The following VSIR variants were observed in gnomAD, a reference collection of about 807,000 sequenced individuals.
VSIR encodes V-type immunoglobulin domain-containing suppressor of T-cell activation.
In VSIR, 10 loss-of-function variants were observed where a neutral mutation model predicts 31.0. The observed-to-expected ratio is 0.32, with a 90% CI of 0.20 to 0.55. The LOEUF (loss-of-function observed/expected upper bound fraction) is 0.55, where lower values mean the gene tolerates loss of function less well. Ranked by LOEUF, VSIR falls within the 20% of genes least tolerant of loss-of-function variation. The pLI is 0.93. For synonymous variants in VSIR, 179 were observed against 180.1 expected, an observed-to-expected ratio of 0.99 and a Z score of 0.05; for missense variants, 356 against 416.2, an observed-to-expected ratio of 0.86 and a Z score of 1.26.
chr10:71,752,944 G>T (rs1398290934), intron 5 of VSIR, 31 bp downstream of exon 5: 1 of 1,610,894 alleles, frequency 6.2e-7, no homozygotes, highest in Non-Finnish European at 8.5e-7. Context: ...GGCCCAGGAA[G>T]TTTTCTCAAG....
At chr10:71,760,028 C>CACACACATACATACATATATAT (rs1564779676) in intron 3 of VSIR, among the ~76,000 whole-genome samples, 12 of 47,212 alleles carry the variant, frequency 2.5e-4, no homozygotes, top group Non-Finnish European at 3.6e-4. Context: ...CACATATATA[C>CACACACATACATACATATATAT]ACACACACAC....
Position 71,751,654 on chromosome 10 carries a change from C to A in VSIR, c.898+14G>T. 1 of 1,519,900 alleles carries A rather than the reference C, an allele frequency of 6.6e-7. No homozygotes were observed. Among genetic ancestry groups the A allele is most frequent in the Non-Finnish European group, 8.8e-7 (1 of 1,134,732 alleles). 94.2% of individuals were successfully genotyped at this position (1,519,900 alleles called of 1,614,324 possible). A position where few individuals can be genotyped will look rare whatever the true frequency, so the allele number is the denominator to read the frequency against. ...TTACAGGTCATCGTGCTGTGAAGGT[C>A]AGGAAACACTTACCCAGGGATGGGA... On this transcript the variant is annotated intron_variant, in intron 6 of 6. Coordinates refer to ENST00000394957, the MANE Select transcript of VSIR (RefSeq NM_022153.2). This position sits in a 1 kb window ranked among gnomAD's most constrained non-coding sequence, Gnocchi z 4.9.
Position 71,748,876 on chromosome 10 carries a change from G to A in VSIR, c.*2377C>T, listed in dbSNP as rs1839921012. 1 of 152,832 alleles carries A rather than the reference G, an allele frequency of 6.5e-6. No individual in the cohort carries two copies. The highest frequency in any genetic ancestry group is 1.5e-5 in the Non-Finnish European group (1 of 68,158). The allele number at this position is 152,832 out of a possible 1,614,324, so 9.5% of individuals were successfully genotyped here. ...CCCTAGTGCGTTGTAGGCAGGGCCT[G>A]TGGCCATGGATGAAGATGGAACTGG... On this transcript the variant is annotated 3_prime_UTR_variant, in exon 7 of 7. Coordinates refer to ENST00000394957, the MANE Select transcript of VSIR (RefSeq NM_022153.2).
Position 71,751,631 on chromosome 10 carries a change from A to G in VSIR, c.898+37T>C, listed in dbSNP as rs1335902476. 1.3e-6 allele frequency: 2 copies of G among 1,501,654 alleles called. No individual in the cohort carries two copies. The highest frequency in any genetic ancestry group is 2.3e-5 in the Admixed American group (1 of 44,356). 93.0% of individuals were successfully genotyped at this position (1,501,654 alleles called of 1,614,324 possible). ...CTGCAGGCCATGAGGTCATGACCTT[A>G]CAGGTCATCGTGCTGTGAAGGTCAG... On this transcript the variant is annotated intron_variant, in intron 6 of 6. Transcript: ENST00000394957. The surrounding 1 kb of genome is among the most constrained non-coding windows in gnomAD (Gnocchi z 4.9).
rs776230069 is a variant in VSIR at position 71,759,846 on chromosome 10, C to CACACACACATAT, written c.568+1021_568+1022insATATGTGTGTGT. Among the ~76,000 whole-genome samples, 56 of 59,962 alleles carry CACACACACATAT rather than the reference C, an allele frequency of 9.3e-4. 4 individuals are homozygous for CACACACACATAT. Among genetic ancestry groups the CACACACACATAT allele is most frequent in the Non-Finnish European group, 1.4e-3 (40 of 29,046 alleles). 39.3% of individuals were successfully genotyped at this position (59,962 alleles called of 152,430 possible). A position where few individuals can be genotyped will look rare whatever the true frequency, so the allele number is the denominator to read the frequency against. ...ACACACACACACACACACACACACA[C>CACACACACATAT]ATATACACACACACACACATATATA... is the stretch of plus-strand genomic sequence containing the variant. On this transcript the variant is annotated intron_variant, in intron 3 of 6. Transcript: ENST00000394957.
chr10:71,756,968 A>C (rs749388130), intron 3 of VSIR, among the ~76,000 whole-genome samples: 14 of 152,384 alleles, frequency 9.2e-5, no homozygotes, highest in Non-Finnish European at 1.8e-4. Flanking sequence ...CCACTGGTAC[A>C]GGAACAGTTG....
At chr10:71,771,159 C>T (rs748007500) in intron 1 of VSIR, among the ~76,000 whole-genome samples, 4 of 152,150 alleles carry the variant, frequency 2.6e-5, no homozygotes, top group African/African-American at 9.7e-5. Context: ...GTAACTGCCT[C>T]GGGTCCTGGG....
Position 71,773,360 on chromosome 10 carries a change from A to C in VSIR, c.80T>G (p.Leu27Arg). 1 of 1,607,098 alleles carries C rather than the reference A, an allele frequency of 6.2e-7. No individual in the cohort carries two copies. The highest frequency in any genetic ancestry group is 8.5e-7 in the Non-Finnish European group (1 of 1,177,104). ...CGCCCCGCCTCCCCCGACCTTACCT[A>C]GGGACGCAGCCAGGAAGAGAGCGAA... ...LLFALFLAAS[L>R]GPVAAFKVAT... Residue 27 changes from leucine (L) to arginine (R), a missense_variant and splice_region_variant, in exon 1 of 7, where the codon CTA (leucine) becomes CGA (arginine). Coordinates refer to ENST00000394957, the MANE Select transcript of VSIR (RefSeq NM_022153.2).
chr10:71,755,009 C>T (rs1840096790), intron 4 of VSIR: 3 of 474,378 alleles, frequency 6.3e-6, no homozygotes, highest in African/African-American at 2.0e-5. Context: ...AACAAGCACG[C>T]CCATACCTTA....
chr10:71,760,117 G>GTGTGTATATATATGTATATACATATATA (rs1840305952), intron 3 of VSIR, among the ~76,000 whole-genome samples: 1 of 53,010 alleles, frequency 1.9e-5, no homozygotes, highest in Non-Finnish European at 4.9e-5. Flanking sequence ...ATACATATAT[G>GTGTGTATATATATGTATATACATATATA]TGTGTATATA....
In VSIR at chr10:71,760,181, GTA is replaced by G. The variant is rs74189375; in HGVS notation, c.568+685_568+686del. On this transcript the variant is annotated intron_variant, in intron 3 of 6. Coordinates refer to ENST00000394957, the MANE Select transcript of VSIR (RefSeq NM_022153.2). ...TATATGTATATACATATATATGTGTGTATATATATGTATATACATATATATGT... is the reference window on the plus strand; with the variant it reads ...TATATGTATATACATATATATGTGTGTATATATGTATATACATATATATGT... 1.1e-4 allele frequency among the ~76,000 whole-genome samples: 4 copies of G among 37,250 alleles called. 1 individual carries two copies. The highest frequency in any genetic ancestry group is 4.3e-4 in the African/African-American group (3 of 6,994). The allele number at this position is 37,250 out of a possible 152,430, so 24.4% of individuals were successfully genotyped here. A position where few individuals can be genotyped will look rare whatever the true frequency, so the allele number is the denominator to read the frequency against.
intron 1 of VSIR, among the ~76,000 whole-genome samples, chr10:71,764,138 G>A (rs1840469849): frequency 6.6e-6 from 1 of 152,234 alleles, no homozygotes; most frequent in Non-Finnish European, 1.5e-5. Context: ...CAAAGTTCCA[G>A]AGGGTATGAT....
At position 71,748,233 on chromosome 10, in the gene VSIR, GA is replaced by G; in HGVS notation, c.*3019del. ...GTCCACCCCGCGAGGAGCACCCCCT[GA>G]AAAAGGCCATGTATCAGCCCCTCTG... On this transcript the variant is annotated 3_prime_UTR_variant, in exon 7 of 7. Transcript: ENST00000394957. The G allele has an allele frequency of 6.6e-6, 1 of 152,540 alleles. No homozygotes were observed. Among genetic ancestry groups the G allele is most frequent in the East Asian group, 1.9e-4 (1 of 5,192 alleles). The allele number at this position is 152,540 out of a possible 1,614,324, so 9.4% of individuals were successfully genotyped here.
At chr10:71,756,451 T>C (rs569023389) in intron 3 of VSIR, among the ~76,000 whole-genome samples, 2 of 152,338 alleles carry the variant, frequency 1.3e-5, no homozygotes, top group African/African-American at 4.8e-5. Flanking sequence ...TAACTAATAA[T>C]GTAGCAATGA....
intron 4 of VSIR, among the ~76,000 whole-genome samples, chr10:71,754,559 G>A (rs1356041846): frequency 1.3e-5 from 2 of 152,150 alleles, no homozygotes; most frequent in Non-Finnish European, 2.9e-5. Context: ...CAGGAACTAG[G>A]CAAGGGGCAC....
At position 71,769,621 on chromosome 10, in the gene VSIR, G is replaced by A. The variant is rs965745007; in HGVS notation, c.82+3737C>T. ...GGGTGGTCAGCCTCACTGAGACCAC[G>A]TCACCCAACCTGTCCATTGCACAGA... On this transcript the variant is annotated intron_variant, in intron 1 of 6. Coordinates refer to ENST00000394957, the MANE Select transcript of VSIR (RefSeq NM_022153.2). Among the ~76,000 whole-genome samples the A allele has an allele frequency of 3.3e-5, 5 of 152,304 alleles. No homozygotes were observed. In the East Asian group the frequency reaches 9.6e-4, roughly 29 times the overall value.
At chr10:71,755,091 T>G (rs757239685) in intron 4 of VSIR, 13 of 611,722 alleles carry the variant, frequency 2.1e-5, no homozygotes, top group South Asian at 2.0e-4. Flanking sequence ...CTGCATATGA[T>G]CATTCATTCA....
At chr10:71,760,806 G>T in intron 3 of VSIR, 62 bp downstream of exon 3, 1 of 1,511,172 alleles carries the variant, frequency 6.6e-7, no homozygotes. Flanking sequence ...ACAGGGTCTG[G>T]GTGCAGGATG....
chr10:71,752,367 G>A (rs1232199292), intron 5 of VSIR, among the ~76,000 whole-genome samples: 1 of 152,210 alleles, frequency 6.6e-6, no homozygotes, highest in Non-Finnish European at 1.5e-5. Flanking sequence ...AACCTGTCTT[G>A]AAGATCATCC....
Sources: allele counts gnomAD v4.1 joint callset (sites outside exome capture counted in the v4.1 genomes callset), GRCh38; gene constraint gnomAD v4.1.1; non-coding constraint Gnocchi (gnomAD v3.1); transcripts MANE v1.5; gene names NCBI Gene and HGNC (gene_info 2026-07-23, HGNC 2026-07-21).